FIGN: variants seen among roughly 807,000 people sequenced by gnomAD.
FIGN encodes the protein fidgetin, microtubule severing factor, also known as fidgetin.
In FIGN, 11 loss-of-function variants were observed where a neutral mutation model predicts 51.3. That is an observed-to-expected ratio of 0.21 (90% confidence interval 0.13 to 0.35). The LOEUF (loss-of-function observed/expected upper bound fraction) is 0.35, where lower values mean the gene tolerates loss of function less well. Ranked by LOEUF, FIGN falls within the 10% of genes least tolerant of loss-of-function variation. The probability of loss-of-function intolerance (pLI) is 1.00; values close to 1 mark genes in which losing one functional copy is unlikely to be tolerated. For missense variants in FIGN, 857 were observed against 943.6 expected (o/e 0.91, Z 1.20); for synonymous variants, 407 against 363.2 (o/e 1.12, Z -1.37).
intron 2 of FIGN, among the ~76,000 whole-genome samples, chr2:163,717,194 C>G (rs1277240432): frequency 1.3e-5 from 2 of 152,020 alleles, no homozygotes; most frequent in African/African-American, 4.8e-5. Flanking sequence ...CTGATATGGC[C>G]AATTTTCATA....
chr2:163,657,500 C>CTGTGTGTGTG lies in FIGN; in HGVS notation c.26-45704_26-45695dup, dbSNP rs72033079. On this transcript the variant is annotated intron_variant, in intron 2 of 2. Coordinates refer to ENST00000333129, the MANE Select transcript of FIGN (RefSeq NM_018086.4). ...CAAACATCAGAATGTCAGAGGGAGT[C>CTGTGTGTGTG]TGTGTGTGTGTGTGTGTGTGTGTGT... 0.013 allele frequency among the ~76,000 whole-genome samples: 1,881 copies of CTGTGTGTGTG among 147,516 alleles called. 64 individuals are homozygous for CTGTGTGTGTG. The East Asian group carries it at 0.14, about 11-fold the overall frequency.
intron 2 of FIGN, among the ~76,000 whole-genome samples, chr2:163,707,215 G>A (rs528509636): frequency 1.4e-3 from 219 of 152,156 alleles, no homozygotes; most frequent in Non-Finnish European, 2.3e-3. Flanking sequence ...TGGGTATGGT[G>A]GCATGTGCCT....
chr2:163,722,223 G>A lies in FIGN; in HGVS notation c.25+12680C>T, dbSNP rs554444822. On this transcript the variant is annotated intron_variant, in intron 2 of 2. Transcript: ENST00000333129. ...GGTCCCAATTAAAATATTAACCAAA[G>A]ACATTCACGAATTAAGTTATCGTAT... Among the ~76,000 whole-genome samples the A allele has an allele frequency of 2.0e-5, 3 of 152,254 alleles. No homozygotes were observed. In the South Asian group the frequency reaches 6.2e-4, roughly 32 times the overall value.
At chr2:163,628,162 T>C (rs1010936458) in intron 2 of FIGN, among the ~76,000 whole-genome samples, 1 of 152,182 alleles carries the variant, frequency 6.6e-6, no homozygotes, top group Non-Finnish European at 1.5e-5. Context: ...GGAATATACA[T>C]TCTGGCTCTG....
intron 2 of FIGN, among the ~76,000 whole-genome samples, chr2:163,650,416 A>C (rs913529139): frequency 7.9e-5 from 12 of 152,034 alleles, no homozygotes; most frequent in African/African-American, 2.7e-4. Context: ...ATTATACTTT[A>C]AGTTCTGCGA....
At chr2:163,612,930 G>C (rs1682788531) in intron 2 of FIGN, among the ~76,000 whole-genome samples, 1 of 151,930 alleles carries the variant, frequency 6.6e-6, no homozygotes, top group South Asian at 2.1e-4. Flanking sequence ...GAGATGGTCT[G>C]GGTAATTCTA....
intron 2 of FIGN, among the ~76,000 whole-genome samples, chr2:163,651,809 G>A (rs1361423146): frequency 6.6e-6 from 1 of 152,154 alleles, no homozygotes; most frequent in Non-Finnish European, 1.5e-5. Flanking sequence ...ATGTATTTAT[G>A]TTGTACAACA....
At chr2:163,655,601 T>C (rs995840527) in intron 2 of FIGN, among the ~76,000 whole-genome samples, 4 of 152,182 alleles carry the variant, frequency 2.6e-5, no homozygotes, top group African/African-American at 9.7e-5. Flanking sequence ...TCATGAGTGA[T>C]TAATCTGTTT....
At chr2:163,688,660 G>C (rs554140970) in intron 2 of FIGN, among the ~76,000 whole-genome samples, 3 of 152,220 alleles carry the variant, frequency 2.0e-5, no homozygotes, top group African/African-American at 7.2e-5. Context: ...GAGTAAGAGG[G>C]AGACAACATG....
At chr2:163,643,932 CA>C (rs1162234909) in intron 2 of FIGN, among the ~76,000 whole-genome samples, 972 of 18,924 alleles carry the variant, frequency 0.051, 4 homozygotes, top group African/African-American at 0.13. Flanking sequence ...AACTCTGTCT[CA>C]AAAAAAAAAA....
At chr2:163,709,775 T>C (rs1055774269) in intron 2 of FIGN, among the ~76,000 whole-genome samples, 1 of 152,172 alleles carries the variant, frequency 6.6e-6, no homozygotes, top group South Asian at 2.1e-4. Context: ...TTTCTTTTCA[T>C]ATTTATGAGA....
At position 163,729,801 on chromosome 2, in the gene FIGN, A is replaced by G. The variant is rs75930360; in HGVS notation, c.25+5102T>C. Among the ~76,000 whole-genome samples, 1,100 of 152,342 alleles carry G rather than the reference A, an allele frequency of 7.2e-3. 12 individuals are homozygous for G. Among genetic ancestry groups the G allele is most frequent in the African/African-American group, 0.025 (1,034 of 41,584 alleles). On this transcript the variant is annotated intron_variant, in intron 2 of 2. Transcript: ENST00000333129. ...ATTTATACATATATTTAACATAAAT[A>G]CATCTAAATTGAAATTCTCCTTTGG...
At chr2:163,698,815 T>C (rs927141117) in intron 2 of FIGN, among the ~76,000 whole-genome samples, 3 of 152,112 alleles carry the variant, frequency 2.0e-5, no homozygotes, top group African/African-American at 7.2e-5. Context: ...AGCCTGCCAG[T>C]AATATGTCAT....
At position 163,682,773 on chromosome 2, in the gene FIGN, C is replaced by T. The variant is rs188679967; in HGVS notation, c.25+52130G>A. Among the ~76,000 whole-genome samples the T allele has an allele frequency of 4.7e-4, 71 of 152,220 alleles. 1 individual carries two copies. Among genetic ancestry groups the T allele is most frequent in the South Asian group, 1.7e-3 (8 of 4,824 alleles). ...AACAAATATTTGCTGAACACCTGTA[C>T]GTATAGGGCCTTGTGTCAAGTGCTA... On this transcript the variant is annotated intron_variant, in intron 2 of 2. Transcript: ENST00000333129.
intron 2 of FIGN, among the ~76,000 whole-genome samples, chr2:163,681,856 C>T (rs1461938803): frequency 6.6e-6 from 1 of 152,112 alleles, no homozygotes; most frequent in Non-Finnish European, 1.5e-5. Flanking sequence ...AATAAAAGGG[C>T]CTGAAAACAA....
chr2:163,688,578 C>T (rs570917417), intron 2 of FIGN, among the ~76,000 whole-genome samples: 3 of 152,078 alleles, frequency 2.0e-5, no homozygotes, highest in South Asian at 2.1e-4. Context: ...GAAGATGAGA[C>T]CAGGTTATCA....
chr2:163,691,164 T>G (rs2105345284), intron 2 of FIGN, among the ~76,000 whole-genome samples: 1 of 152,222 alleles, frequency 6.6e-6, no homozygotes, highest in African/African-American at 2.4e-5. Flanking sequence ...AAGACTAAAT[T>G]TATCTTTCAA....
At chr2:163,666,698 GA>G (rs1683778975) in intron 2 of FIGN, among the ~76,000 whole-genome samples, 1 of 152,030 alleles carries the variant, frequency 6.6e-6, no homozygotes, top group African/African-American at 2.4e-5. Flanking sequence ...ATGTCTTGTG[GA>G]TAAAAATATC....
chr2:163,610,518 G>T lies in FIGN; in HGVS notation c.1314C>A (p.Leu438=). The change falls in exon 3 of 3, where the codon CTC becomes CTA. Residue 438 remains leucine, a synonymous_variant. Coordinates refer to ENST00000333129, the MANE Select transcript of FIGN (RefSeq NM_018086.4). ...GTCCAGGGCCTTGCATTGGGTGAGAGAGGAGCTGCCTGTGCTCGTCCCCAT... is the reference window on the plus strand; with the variant it reads ...GTCCAGGGCCTTGCATTGGGTGAGATAGGAGCTGCCTGTGCTCGTCCCCAT... The part of the protein sequence containing the change: ...SEHGDEHRQL[L]SHPMQGPGLR... 6.2e-7 allele frequency: 1 copy of T among 1,614,172 alleles called. No homozygotes were observed. Among genetic ancestry groups the T allele is most frequent in the Non-Finnish European group, 8.5e-7 (1 of 1,180,022 alleles).
Sources: gnomAD v4.1 joint callset for allele counts (sites outside exome capture counted in the v4.1 genomes callset) on GRCh38, gnomAD v4.1.1 for gene constraint, MANE v1.5 for transcripts, NCBI Gene and HGNC (gene_info 2026-07-23, HGNC 2026-07-21) for gene names.